MAP3K20: variants seen among roughly 807,000 people sequenced by gnomAD.
The protein encoded by MAP3K20 is HCCS-4.
Under a neutral mutation model 85.7 loss-of-function variants are expected in MAP3K20, and 40 were observed. That is an observed-to-expected ratio of 0.47 (90% CI 0.36 to 0.61). MAP3K20 has a LOEUF of 0.61. Among genes scored for constraint, MAP3K20 ranks in the 20% least tolerant of loss-of-function variants. The pLI is 0.00. For missense variants in MAP3K20, 817 were observed against 961.7 expected (o/e 0.85, Z 1.99); for synonymous variants, 325 against 327.7 (o/e 0.99, Z 0.09).
intron 2 of MAP3K20, among the ~76,000 whole-genome samples, chr2:173,108,745 T>C (rs1468264825): frequency 6.6e-6 from 1 of 152,226 alleles, no homozygotes; most frequent in Admixed American, 6.5e-5. Flanking sequence ...CGACCTATCA[T>C]CCTCACTTTT....
chr2:173,213,624 G>A (rs756439347), intron 10 of MAP3K20, among the ~76,000 whole-genome samples: 2 of 152,078 alleles, frequency 1.3e-5, no homozygotes, highest in Non-Finnish European at 2.9e-5. Flanking sequence ...AAATCATACA[G>A]AACTGAGAAC....
intron 2 of MAP3K20, among the ~76,000 whole-genome samples, chr2:173,112,115 T>C (rs1024445311): frequency 6.6e-6 from 1 of 152,192 alleles, no homozygotes; most frequent in Admixed American, 6.5e-5. Context: ...GTTTTCCTTA[T>C]AGAGGGCTTT....
intron 16 of MAP3K20, among the ~76,000 whole-genome samples, chr2:173,254,240 C>G (rs1423448744): frequency 2.7e-5 from 4 of 148,026 alleles, no homozygotes. Flanking sequence ...ATGGTGAAAC[C>G]CCATCTCTCC....
At chr2:173,128,788 C>T (rs1688520724) in intron 2 of MAP3K20, among the ~76,000 whole-genome samples, 1 of 152,036 alleles carries the variant, frequency 6.6e-6, no homozygotes, top group African/African-American at 2.4e-5. Flanking sequence ...ACTAGATTCC[C>T]TTTAAATTAC....
chr2:173,261,975 C>A (rs1319297747), intron 18 of MAP3K20, among the ~76,000 whole-genome samples: 2 of 151,730 alleles, frequency 1.3e-5, no homozygotes, highest in African/African-American at 2.4e-5. Context: ...CGAGATCACA[C>A]CACTGCACTC....
chr2:173,132,936 A>T (rs370337635), intron 2 of MAP3K20, among the ~76,000 whole-genome samples: 4 of 152,228 alleles, frequency 2.6e-5, no homozygotes, highest in African/African-American at 9.6e-5. Context: ...TCTCTTTTCC[A>T]CTTCCATGCC....
intron 16 of MAP3K20, among the ~76,000 whole-genome samples, chr2:173,239,879 A>T (rs1436922274): frequency 6.6e-6 from 1 of 152,230 alleles, no homozygotes; most frequent in Admixed American, 6.5e-5. Flanking sequence ...ACTGTAGGCC[A>T]TGTGGAGACC....
intron 11 of MAP3K20, among the ~76,000 whole-genome samples, chr2:173,228,340 G>A (rs1329826543): frequency 1.3e-5 from 2 of 151,728 alleles, no homozygotes; most frequent in East Asian, 3.9e-4. Context: ...GCCATGCCAG[G>A]TTTTGCCTTG....
intron 16 of MAP3K20, among the ~76,000 whole-genome samples, chr2:173,244,664 T>C (rs1354751586): frequency 6.6e-6 from 1 of 152,220 alleles, no homozygotes; most frequent in Non-Finnish European, 1.5e-5. Flanking sequence ...AAAACAGTCC[T>C]AGAATAAATT....
chr2:173,252,629 G>A (rs1005198770), intron 16 of MAP3K20, among the ~76,000 whole-genome samples: 7 of 152,236 alleles, frequency 4.6e-5, no homozygotes, highest in African/African-American at 9.6e-5. Context: ...TTTGCTACTC[G>A]AAATCCTAGC....
intron 2 of MAP3K20, among the ~76,000 whole-genome samples, chr2:173,129,513 A>G (rs1007961797): frequency 6.6e-6 from 1 of 152,238 alleles, no homozygotes; most frequent in Non-Finnish European, 1.5e-5. Flanking sequence ...TGCATCTTAC[A>G]ATCCATGAAT....
At chr2:173,146,047 C>T (rs1689126796) in intron 2 of MAP3K20, among the ~76,000 whole-genome samples, 2 of 152,076 alleles carry the variant, frequency 1.3e-5, no homozygotes, top group South Asian at 4.1e-4. Context: ...CAGAACAGAG[C>T]CCATGAGGGT....
chr2:173,078,804 A>C (rs1302423834), intron 1 of MAP3K20, among the ~76,000 whole-genome samples: 1 of 152,212 alleles, frequency 6.6e-6, no homozygotes, highest in Non-Finnish European at 1.5e-5. Flanking sequence ...ACAAAAGGCA[A>C]ATTAGAAGGA....
intron 2 of MAP3K20, among the ~76,000 whole-genome samples, chr2:173,138,994 C>T (rs1402968114): frequency 1.3e-5 from 2 of 152,184 alleles, no homozygotes; most frequent in Non-Finnish European, 2.9e-5. Flanking sequence ...TCATACTCAC[C>T]ATTCAGAAGT....
intron 1 of MAP3K20, among the ~76,000 whole-genome samples, chr2:173,077,357 T>A (rs1411507846): frequency 6.9e-6 from 1 of 145,538 alleles, no homozygotes; most frequent in Non-Finnish European, 1.5e-5. Context: ...CACAGTGAAA[T>A]TTCACTTGTT....
chr2:173,190,158 G>T (rs1245980255), intron 5 of MAP3K20, among the ~76,000 whole-genome samples: 1 of 152,062 alleles, frequency 6.6e-6, no homozygotes. Flanking sequence ...TCCTCCCTCA[G>T]CTCTCCTCTT....
intron 12 of MAP3K20, among the ~76,000 whole-genome samples, chr2:173,230,411 C>T (rs759049392): frequency 1.3e-5 from 2 of 152,142 alleles, no homozygotes; most frequent in African/African-American, 4.8e-5. Context: ...GCTGGTACAC[C>T]GCTGAACCGG....
At chr2:173,145,071 A>G (rs1393481651) in intron 2 of MAP3K20, among the ~76,000 whole-genome samples, 2 of 152,198 alleles carry the variant, frequency 1.3e-5, no homozygotes, top group African/African-American at 2.4e-5. Flanking sequence ...TACCAAATGC[A>G]AAAATTAATT....
At chr2:173,237,062 T>C (rs1265075630) in intron 14 of MAP3K20, among the ~76,000 whole-genome samples, 1 of 137,664 alleles carries the variant, frequency 7.3e-6, no homozygotes, top group Non-Finnish European at 1.5e-5. Flanking sequence ...AGTCTCACTG[T>C]GCCGCTCAGG....
Sources: allele counts gnomAD v4.1 joint callset (sites outside exome capture counted in the v4.1 genomes callset), GRCh38; gene constraint gnomAD v4.1.1; transcripts MANE v1.5; gene names NCBI Gene and HGNC (gene_info 2026-07-23, HGNC 2026-07-21).